The following SPIDR variants were observed in gnomAD, a reference collection of about 807,000 sequenced individuals.
The protein encoded by SPIDR is scaffold protein involved in DNA repair, also known as DNA repair-scaffolding protein.
Under a neutral mutation model 104.6 loss-of-function variants are expected in SPIDR, and 93 were observed. The observed-to-expected ratio is 0.89, with a 90% CI of 0.75 to 1.06. The LOEUF (loss-of-function observed/expected upper bound fraction) is 1.06. Among genes scored for constraint, SPIDR ranks in the 50% least tolerant of loss-of-function variants. The pLI is 0.00. For missense variants in SPIDR, 1,154 were observed against 1,111.2 expected, an observed-to-expected ratio of 1.04 and a Z score of -0.55; for synonymous variants, 431 against 416.9, an observed-to-expected ratio of 1.03 and a Z score of -0.41.
At chr8:47,729,642 C>A in intron 19 of SPIDR, 177 bp downstream of exon 19, 1 of 651,334 alleles carries the variant, frequency 1.5e-6, no homozygotes, top group Non-Finnish European at 2.6e-6. Context: ...CTGATAGGTT[C>A]CTTTCCTCTG....
chr8:47,589,452 G>T (rs561090618), intron 8 of SPIDR, among the ~76,000 whole-genome samples: 85 of 150,440 alleles, frequency 5.7e-4, no homozygotes, highest in Non-Finnish European at 1.0e-3. Flanking sequence ...AACCCAGCAG[G>T]CAGAGGAGGT....
intron 8 of SPIDR, among the ~76,000 whole-genome samples, chr8:47,483,193 G>T (rs932034827): frequency 6.6e-5 from 10 of 151,892 alleles, no homozygotes; most frequent in African/African-American, 2.4e-4. Context: ...TTTATTTTAC[G>T]CTTGGGGTTG....
chr8:47,625,353 T>A (rs2154437685), intron 10 of SPIDR, among the ~76,000 whole-genome samples: 1 of 152,166 alleles, frequency 6.6e-6, no homozygotes, highest in South Asian at 2.1e-4. Flanking sequence ...CTCTCACCAC[T>A]CCTATTCAAC....
At chr8:47,609,648 G>A (rs2063378103) in intron 10 of SPIDR, among the ~76,000 whole-genome samples, 1 of 152,102 alleles carries the variant, frequency 6.6e-6, no homozygotes, top group Non-Finnish European at 1.5e-5. Flanking sequence ...TTGATCTAGT[G>A]TTTGGTTACA....
intron 5 of SPIDR, among the ~76,000 whole-genome samples, chr8:47,355,085 A>G (rs1317232644): frequency 6.6e-6 from 1 of 152,032 alleles, no homozygotes; most frequent in Non-Finnish European, 1.5e-5. Flanking sequence ...CCTCTTGAGT[A>G]GCTCGGATTA....
intron 5 of SPIDR, among the ~76,000 whole-genome samples, chr8:47,385,485 T>G (rs180874821): frequency 2.6e-5 from 4 of 152,370 alleles, no homozygotes; most frequent in African/African-American, 9.6e-5. Context: ...GTTGAATGAA[T>G]AGACCCTGTA....
At chr8:47,649,765 A>C (rs1310364419) in intron 10 of SPIDR, among the ~76,000 whole-genome samples, 1 of 152,232 alleles carries the variant, frequency 6.6e-6, no homozygotes, top group Non-Finnish European at 1.5e-5. Context: ...CTTTTTAGTA[A>C]ATTTGAGATT....
intron 8 of SPIDR, among the ~76,000 whole-genome samples, chr8:47,444,243 T>A (rs2070087570): frequency 6.6e-6 from 1 of 152,202 alleles, no homozygotes; most frequent in Non-Finnish European, 1.5e-5. Context: ...ACTTTAATGA[T>A]ACTGGGGAGA....
In SPIDR at chr8:47,312,051, T is replaced by A. The variant is rs372225474; in HGVS notation, c.525+18021T>A. ...ATGTCCCTACAAAGGACATGAACTC[T>A]TCATTTTTTATGGCTGCATAGTATT... On this transcript the variant is annotated intron_variant, in intron 5 of 19. Transcript: ENST00000297423. 3.9e-3 allele frequency among the ~76,000 whole-genome samples: 598 copies of A among 152,308 alleles called. 3 individuals carry two copies. Among genetic ancestry groups the A allele is most frequent in the South Asian group, 0.022 (108 of 4,822 alleles).
intron 10 of SPIDR, among the ~76,000 whole-genome samples, chr8:47,644,520 G>A (rs1044776558): frequency 1.3e-5 from 2 of 152,176 alleles, no homozygotes; most frequent in African/African-American, 2.4e-5. Context: ...ACAAGGGGCC[G>A]GCTCTCCAGA....
chr8:47,653,682 C>T (rs1256305613), intron 10 of SPIDR, among the ~76,000 whole-genome samples: 1 of 152,128 alleles, frequency 6.6e-6, no homozygotes, highest in Non-Finnish European at 1.5e-5. Context: ...TGTTGATTAA[C>T]TCAACTTGGT....
At chr8:47,701,631 T>G in intron 12 of SPIDR, 90 bp from the exon 13 acceptor site, 2 of 1,274,724 alleles carry the variant, frequency 1.6e-6, no homozygotes, top group Non-Finnish European at 2.2e-6. Context: ...AGCAAATATG[T>G]ATATATTAAA....
chr8:47,728,257 C>T (rs1434691262), intron 17 of SPIDR, among the ~76,000 whole-genome samples: 3 of 151,420 alleles, frequency 2.0e-5, no homozygotes, highest in Non-Finnish European at 2.9e-5. Context: ...GAAACCCCAT[C>T]TCTATTATTA....
chr8:47,389,108 A>G (rs929926127), intron 5 of SPIDR, among the ~76,000 whole-genome samples: 3 of 152,220 alleles, frequency 2.0e-5, no homozygotes, highest in African/African-American at 7.2e-5. Context: ...GCAGATTATG[A>G]TAATAGCTAC....
At chr8:47,508,794 G>C (rs778361439) in intron 8 of SPIDR, among the ~76,000 whole-genome samples, 37 of 152,132 alleles carry the variant, frequency 2.4e-4, no homozygotes, top group Admixed American at 4.6e-4. Context: ...GGACACAGAG[G>C]TGTTGAGTCC....
chr8:47,283,595 T>C (rs996335449), intron 2 of SPIDR, among the ~76,000 whole-genome samples: 3 of 152,192 alleles, frequency 2.0e-5, no homozygotes, highest in African/African-American at 7.2e-5. Context: ...TGTAAAAAAA[T>C]GCTTTATCTA....
intron 5 of SPIDR, among the ~76,000 whole-genome samples, chr8:47,362,466 T>C (rs183138636): frequency 9.8e-5 from 15 of 152,302 alleles, no homozygotes; most frequent in Non-Finnish European, 1.9e-4. Flanking sequence ...CTCCCCTTGC[T>C]CTTTGACCAC....
intron 8 of SPIDR, among the ~76,000 whole-genome samples, chr8:47,545,450 A>G (rs879288445): frequency 2.6e-5 from 4 of 152,102 alleles, no homozygotes; most frequent in Non-Finnish European, 4.4e-5. Flanking sequence ...TTGCTAGTAT[A>G]TTGAAATATA....
intron 5 of SPIDR, among the ~76,000 whole-genome samples, chr8:47,315,295 G>A (rs982151205): frequency 6.6e-6 from 1 of 151,982 alleles, no homozygotes; most frequent in South Asian, 2.1e-4. Flanking sequence ...TATGCATACC[G>A]AGATAAATAA....
Sources: allele counts gnomAD v4.1 joint callset (sites outside exome capture counted in the v4.1 genomes callset), GRCh38; gene constraint gnomAD v4.1.1; transcripts MANE v1.5; gene names NCBI Gene and HGNC (gene_info 2026-07-23, HGNC 2026-07-21).